The following PARD3B variants were observed in gnomAD, a reference collection of about 807,000 sequenced individuals.
The protein encoded by PARD3B is partitioning defective 3 homolog B.
Under a neutral mutation model 130.2 loss-of-function variants are expected in PARD3B, and 103 were observed. The ratio of observed to expected loss-of-function variants is 0.79; its 90% CI spans 0.67 to 0.93. PARD3B has a LOEUF of 0.93. Ranked by LOEUF, PARD3B falls within the 40% of genes least tolerant of loss-of-function variation. The probability of loss-of-function intolerance (pLI) is 0.00; values close to 1 mark genes in which losing one functional copy is unlikely to be tolerated. For missense variants in PARD3B, 1,609 were observed against 1,499.2 expected (o/e 1.07, Z -1.21); for synonymous variants, 583 against 553.2 (o/e 1.05, Z -0.76).
intron 18 of PARD3B, among the ~76,000 whole-genome samples, chr2:205,378,789 A>C (rs1261360381): frequency 6.6e-6 from 1 of 151,690 alleles, no homozygotes; most frequent in Non-Finnish European, 1.5e-5. Context: ...GCACCACCAC[A>C]CCCAGCTAAT....
Position 204,756,652 on chromosome 2 carries a change from C to T in PARD3B, c.222+70370C>T, listed in dbSNP as rs529334292. On this transcript the variant is annotated intron_variant, in intron 2 of 22. Transcript: ENST00000406610. ...ATTTGCTCCAAATATTCCCAACTCTCTGAGAGAGGCACGCCAGACTTGCCG... is the reference window on the plus strand; with the variant it reads ...ATTTGCTCCAAATATTCCCAACTCTTTGAGAGAGGCACGCCAGACTTGCCG... 4.6e-4 allele frequency among the ~76,000 whole-genome samples: 70 copies of T among 152,214 alleles called. 1 individual carries two copies. Among genetic ancestry groups the T allele is most frequent in the African/African-American group, 1.7e-3 (70 of 41,536 alleles).
intron 19 of PARD3B, among the ~76,000 whole-genome samples, chr2:205,403,075 C>T (rs1307998601): frequency 6.6e-6 from 1 of 152,104 alleles, no homozygotes; most frequent in Non-Finnish European, 1.5e-5. Context: ...GCGAGTGTAT[C>T]ACTCTTCATG....
At position 205,279,425 on chromosome 2, in the gene PARD3B, T is replaced by A. The variant is rs78874885; in HGVS notation, c.2186-21105T>A. Among the ~76,000 whole-genome samples, 11 of 152,306 alleles carry A rather than the reference T, an allele frequency of 7.2e-5. No individual in the cohort carries two copies. In the East Asian group the frequency reaches 1.9e-3, roughly 27 times the overall value. On this transcript the variant is annotated intron_variant, in intron 16 of 22. Transcript: ENST00000406610. ...CATGGATTTCATCCATGATTCATTT[T>A]CCTCATTATATTTTTACCTATTTTC...
intron 2 of PARD3B, among the ~76,000 whole-genome samples, chr2:204,722,893 C>T (rs558296983): frequency 6.6e-6 from 1 of 152,120 alleles, no homozygotes; most frequent in Non-Finnish European, 1.5e-5. Context: ...CCACTCTTTC[C>T]CTCTGCTGAA....
chr2:204,605,984 G>A (rs550787213), intron 1 of PARD3B, among the ~76,000 whole-genome samples: 2 of 151,990 alleles, frequency 1.3e-5, no homozygotes, highest in South Asian at 2.1e-4. Flanking sequence ...CCCTTTACTC[G>A]TGCTATTGCT....
At position 204,799,426 on chromosome 2, in the gene PARD3B, AC is replaced by A. The variant is rs1170806758; in HGVS notation, c.222+113147del. Among the ~76,000 whole-genome samples the A allele has an allele frequency of 6.6e-6, 1 of 152,172 alleles. No homozygotes were observed. Among genetic ancestry groups the A allele is most frequent in the African/African-American group, 2.4e-5 (1 of 41,444 alleles). ...GCTTCTGGACAGCATTCCTGGAGGTACCCTGGATCAAGGAAGACCTCATTAC... is the reference window on the plus strand; with the variant it reads ...GCTTCTGGACAGCATTCCTGGAGGTACCTGGATCAAGGAAGACCTCATTAC... On this transcript the variant is annotated intron_variant, in intron 2 of 22. Transcript: ENST00000406610. The surrounding 1 kb of genome is among the most constrained non-coding windows in gnomAD (Gnocchi z 4.1).
chr2:205,203,699 G>A (rs138570577), intron 15 of PARD3B, among the ~76,000 whole-genome samples: 8,515 of 152,102 alleles, frequency 0.056, 314 homozygotes, highest in East Asian at 0.19. Context: ...GAGAACATGC[G>A]GTATTTAGTT....
chr2:204,766,501 G>A (rs760873874), intron 2 of PARD3B, among the ~76,000 whole-genome samples: 3 of 151,788 alleles, frequency 2.0e-5, no homozygotes, highest in Non-Finnish European at 4.4e-5. Flanking sequence ...TTTCTAAATT[G>A]CACTGTTAAA....
intron 3 of PARD3B, among the ~76,000 whole-genome samples, chr2:204,989,025 T>C (rs1000706656): frequency 6.6e-6 from 1 of 152,206 alleles, no homozygotes; most frequent in African/African-American, 2.4e-5. Flanking sequence ...GTGCACAAGA[T>C]AGCAGTGGTC....
At chr2:205,216,939 C>T (rs1211383470) in intron 15 of PARD3B, among the ~76,000 whole-genome samples, 1 of 152,104 alleles carries the variant, frequency 6.6e-6, no homozygotes, top group Admixed American at 6.6e-5. Flanking sequence ...CCACTCTTGA[C>T]TTTCTGGCTC....
intron 2 of PARD3B, among the ~76,000 whole-genome samples, chr2:204,885,520 A>G (rs2046241599): frequency 6.6e-6 from 1 of 152,176 alleles, no homozygotes; most frequent in South Asian, 2.1e-4. Context: ...TATTCTAATC[A>G]TGGCACATGT....
At chr2:205,192,219 T>C (rs542726312) in intron 14 of PARD3B, among the ~76,000 whole-genome samples, 3 of 152,304 alleles carry the variant, frequency 2.0e-5, no homozygotes, top group African/African-American at 7.2e-5. Context: ...TTTAGAAGGA[T>C]TTTCTTTCAA....
At chr2:205,555,193 C>T (rs1337687653) in intron 22 of PARD3B, among the ~76,000 whole-genome samples, 1 of 152,132 alleles carries the variant, frequency 6.6e-6, no homozygotes. Flanking sequence ...ACTCAGAGTG[C>T]AGAAATGGAG....
chr2:204,671,928 G>A (rs1001321345), intron 1 of PARD3B, among the ~76,000 whole-genome samples: 1 of 151,898 alleles, frequency 6.6e-6, no homozygotes, highest in African/African-American at 2.4e-5. Context: ...TATAATCGTC[G>A]GAAAACTTTT....
At chr2:205,166,425 C>G (rs1186725000) in intron 11 of PARD3B, among the ~76,000 whole-genome samples, 2 of 152,098 alleles carry the variant, frequency 1.3e-5, no homozygotes, top group East Asian at 3.9e-4. Context: ...GGTATGTACA[C>G]CAAAGTACAG....
Position 205,116,720 on chromosome 2 carries a change from C to G in PARD3B, c.681-2201C>G, listed in dbSNP as rs2029872314. On this transcript the variant is annotated intron_variant, in intron 6 of 22. Transcript: ENST00000406610. The surrounding 1 kb of genome is among the most constrained non-coding windows in gnomAD (Gnocchi z 4.5). ...GAAATCAAACTGGAGGGAATCTATCCCTTCCACGGAGCAGAGAGGGCAGAA... is the reference window on the plus strand; with the variant it reads ...GAAATCAAACTGGAGGGAATCTATCGCTTCCACGGAGCAGAGAGGGCAGAA... 6.6e-6 allele frequency among the ~76,000 whole-genome samples: 1 copy of G among 152,066 alleles called. No homozygotes were observed. The highest frequency in any genetic ancestry group is 1.5e-5 in the Non-Finnish European group (1 of 68,020).
chr2:205,578,271 T>G (rs901472076), intron 22 of PARD3B, among the ~76,000 whole-genome samples: 3 of 152,198 alleles, frequency 2.0e-5, no homozygotes, highest in Non-Finnish European at 4.4e-5. Context: ...CAATTCCAAA[T>G]AACAATGTGG....
intron 21 of PARD3B, among the ~76,000 whole-genome samples, chr2:205,537,978 C>T (rs559827737): frequency 2.6e-5 from 4 of 152,222 alleles, no homozygotes; most frequent in East Asian, 1.9e-4. Flanking sequence ...TTGAGGATTA[C>T]GTGTTTCTCT....
At chr2:205,459,661 A>G (rs1386735830) in intron 20 of PARD3B, among the ~76,000 whole-genome samples, 1 of 152,160 alleles carries the variant, frequency 6.6e-6, no homozygotes, top group Non-Finnish European at 1.5e-5. Flanking sequence ...CCTTGGTCTT[A>G]TGAACCTTCC....
Sources: gnomAD v4.1 joint callset for allele counts (sites outside exome capture counted in the v4.1 genomes callset) on GRCh38, gnomAD v4.1.1 for gene constraint, Gnocchi (gnomAD v3.1) non-coding constraint, MANE v1.5 for transcripts, NCBI Gene and HGNC (gene_info 2026-07-23, HGNC 2026-07-21) for gene names.